Variants in EARS2 observed in about 807,000 individuals in gnomAD.
EARS2 encodes nondiscriminating glutamyl-tRNA synthetase EARS2, mitochondrial.
Under a neutral mutation model 54.1 loss-of-function variants are expected in EARS2, and 50 were observed. The observed-to-expected ratio is 0.92, with a 90% CI of 0.74 to 1.17. The LOEUF is 1.17. Ranked by LOEUF, EARS2 falls within the 50% of genes most tolerant of loss-of-function variation. The probability of loss-of-function intolerance (pLI) is 0.00; values close to 1 mark genes in which losing one functional copy is unlikely to be tolerated. For synonymous variants in EARS2, 298 were observed against 281.0 expected (o/e 1.06, Z -0.61); for missense variants, 673 against 675.0 (o/e 1.00, Z 0.03).
rs1965211384 is a variant in EARS2, at chr16:23,525,446, TC to T, written c.1353-68del. 10 of 1,525,100 alleles carry T rather than the reference TC, an allele frequency of 6.6e-6. No homozygotes were observed. In the Admixed American group the frequency reaches 2.0e-4, roughly 30 times the overall value. 94.5% of individuals were successfully genotyped at this position (1,525,100 alleles called of 1,614,324 possible). A position where few individuals can be genotyped will look rare whatever the true frequency, so the allele number is the denominator to read the frequency against. ...TGGCAAGTGGGTGGGAGGAAGGGCTTCAGAAGGTTATTGATCAGCTACAGTA... is the reference window on the plus strand; with the variant it reads ...TGGCAAGTGGGTGGGAGGAAGGGCTTAGAAGGTTATTGATCAGCTACAGTA... On this transcript the variant is annotated intron_variant, in intron 7 of 8. Coordinates refer to ENST00000449606, the MANE Select transcript of EARS2 (RefSeq NM_001083614.2).
chr16:23,534,967 G>A lies in EARS2; in HGVS notation c.879C>T (p.Phe293=), dbSNP rs566438118. 6.2e-7 allele frequency: 1 copy of A among 1,611,576 alleles called. No homozygotes were observed. The highest frequency in any genetic ancestry group is 8.5e-7 in the Non-Finnish European group (1 of 1,178,420). The change falls in exon 4 of 9, where the codon TTC becomes TTT. Residue 293 remains phenylalanine, a synonymous_variant. Transcript: ENST00000449606. ...AGCCATCAGCAGCAAAGTGCTCCAG[G>A]AAAACGTCCCCTTGCCTCTTGGAGA... is the stretch of plus-strand genomic sequence containing the variant. ...SKLSKRQGDV[F]LEHFAADGFL...
chr16:23,538,866 C>A lies in EARS2; in HGVS notation c.486-3506G>T, dbSNP rs554556509. ...CAAGACCCTGTCTGGAAAAAAAAGT[C>A]CTAAGGGAAGCTAACTGTCAGCTTT... On this transcript the variant is annotated intron_variant, in intron 3 of 8. Transcript: ENST00000449606. Among the ~76,000 whole-genome samples the A allele has an allele frequency of 2.6e-5, 4 of 152,082 alleles. No homozygotes were observed. The East Asian group carries it at 7.7e-4, about 29-fold the overall frequency.
At chr16:23,545,627 T>C (rs1420741878) in intron 2 of EARS2, among the ~76,000 whole-genome samples, 1 of 152,154 alleles carries the variant, frequency 6.6e-6, no homozygotes, top group Non-Finnish European at 1.5e-5. Flanking sequence ...CCGGAGCCGA[T>C]ATTCTTAACC....
At chr16:23,529,973 G>T in intron 5 of EARS2, 76 bp from the exon 6 acceptor site, 1 of 1,560,298 alleles carries the variant, frequency 6.4e-7, no homozygotes, top group Non-Finnish European at 8.7e-7. Context: ...CAGGGAAAGG[G>T]TGAAGTTGGA....
At chr16:23,544,456 CA>C (rs1889741589) in intron 3 of EARS2, 57 bp downstream of exon 3, 1 of 1,530,050 alleles carries the variant, frequency 6.5e-7, no homozygotes, top group African/African-American at 1.4e-5. Context: ...TTACGCAGCA[CA>C]AGGTAACAAA....
chr16:23,543,981 CATT>C (rs980475084), intron 3 of EARS2, among the ~76,000 whole-genome samples: 3 of 152,124 alleles, frequency 2.0e-5, no homozygotes, highest in Non-Finnish European at 2.9e-5. Flanking sequence ...CAAGATATCT[CATT>C]ATATATATGC....
rs1295927953 is a variant in EARS2, at chr16:23,522,913, T to A, written c.*1458A>T. 6.6e-6 allele frequency: 1 copy of A among 152,198 alleles called. No individual in the cohort carries two copies. The highest frequency in any genetic ancestry group is 2.4e-5 in the African/African-American group (1 of 41,452). The allele number at this position is 152,198 out of a possible 1,614,324, so 9.4% of individuals were successfully genotyped here. Reference sequence around the variant, plus strand: ...TCAAGATTGCACACTCCCATGGCTATTGGTGGGAGGCCTCGATCCCTTGTC... The same window carrying A: ...TCAAGATTGCACACTCCCATGGCTAATGGTGGGAGGCCTCGATCCCTTGTC... On this transcript the variant is annotated 3_prime_UTR_variant, in exon 9 of 9. Transcript: ENST00000449606.
chr16:23,552,415 C>T, intron 1 of EARS2, 111 bp from the exon 2 acceptor site: 1 of 1,255,182 alleles, frequency 8.0e-7, no homozygotes. Context: ...AAAAGACCAG[C>T]AGGACACATT....
rs565100793 is a variant in EARS2, at chr16:23,522,103, A to G, written c.*2268T>C. 2 of 278,038 alleles carry G rather than the reference A, an allele frequency of 7.2e-6. No homozygotes were observed. The highest frequency in any genetic ancestry group is 4.3e-5 in the African/African-American group (2 of 46,102). The allele number at this position is 278,038 out of a possible 1,614,324, so 17.2% of individuals were successfully genotyped here. A position where few individuals can be genotyped will look rare whatever the true frequency, so the allele number is the denominator to read the frequency against. Reference sequence around the variant, plus strand: ...CCTGGGAGAGGGTGAGGCTCATATAAGCGCACAATAAATTACAAGTATTAT... The same window carrying G: ...CCTGGGAGAGGGTGAGGCTCATATAGGCGCACAATAAATTACAAGTATTAT... On this transcript the variant is annotated 3_prime_UTR_variant, in exon 9 of 9. Coordinates refer to ENST00000449606, the MANE Select transcript of EARS2 (RefSeq NM_001083614.2).
Position 23,524,422 on chromosome 16 carries a change from G to A in EARS2, c.1521C>T (p.Ala507=). 1.9e-6 allele frequency: 3 copies of A among 1,614,132 alleles called. No homozygotes were observed. Among genetic ancestry groups the A allele is most frequent in the Non-Finnish European group, 2.5e-6 (3 of 1,180,014 alleles). Residue 507 remains alanine (A), a synonymous_variant, in exon 9 of 9, where the codon GCC becomes GCT. Coordinates refer to ENST00000449606, the MANE Select transcript of EARS2 (RefSeq NM_001083614.2). ...QGPPVAEMML[A]LGPKEVRERI... ...GTTCCCGTACTTCCTTTGGTCCCAA[G>A]GCCAACATCATCTCAGCTACAGGAG...
Position 23,525,365 on chromosome 16 carries a change from G to A in EARS2, c.1367C>T (p.Ser456Phe). ...CATATCCTGAGTTAAGCTCATACTA[G>A]ATCTTTCTAGAAGCCTAGAAGAAGA... ...AKRVLGLLERSSMSLTQDMLN... is the reference protein window; with the variant it reads ...AKRVLGLLERFSMSLTQDMLN... Residue 456 changes from serine to phenylalanine, a missense_variant, in exon 8 of 9, where the codon TCT becomes TTT. Around this residue, in one of 3 missense-constraint regions of EARS2, gnomAD observed 338 missense variants for 361.2 expected, o/e 0.94. Transcript: ENST00000449606. 6.2e-7 allele frequency: 1 copy of A among 1,613,158 alleles called. No individual in the cohort carries two copies. The highest frequency in any genetic ancestry group is 8.5e-7 in the Non-Finnish European group (1 of 1,179,658).
At position 23,521,083 on chromosome 16, in the gene EARS2, G is replaced by A. The variant is rs1280602083; in HGVS notation, c.*3288C>T. Reference sequence around the variant, plus strand: ...TTGGGATTCTAGGTGTGAGCCACCAGGCCCAGCTCTAATTTAGTATTTTTT... The same window carrying A: ...TTGGGATTCTAGGTGTGAGCCACCAAGCCCAGCTCTAATTTAGTATTTTTT... On this transcript the variant is annotated 3_prime_UTR_variant, in exon 9 of 9. Transcript: ENST00000449606. Among the ~76,000 whole-genome samples, 12 of 152,112 alleles carry A rather than the reference G, an allele frequency of 7.9e-5. No homozygotes were observed. The highest frequency in any genetic ancestry group is 7.9e-4 in the Admixed American group (12 of 15,260).
chr16:23,535,078 C>T lies in EARS2; in HGVS notation c.768G>A (p.Lys256=). 1 of 1,603,316 alleles carries T rather than the reference C, an allele frequency of 6.2e-7. No individual in the cohort carries two copies. Among genetic ancestry groups the T allele is most frequent in the Non-Finnish European group, 8.5e-7 (1 of 1,175,854 alleles). Residue 256 remains lysine (K), a synonymous_variant, in exon 4 of 9, where the codon AAG becomes AAA. Transcript: ENST00000449606. ...RGSEWLVSTA[K]HLLLYQALGW... The stretch of plus-strand genomic sequence containing the variant: ...CCAGGGCCTGGTAGAGGAGCAGGTG[C>T]TTGGCAGTGGAGACGAGCCACTCAG...
intron 2 of EARS2, chr16:23,546,577 A>G (rs1276878725): frequency 2.6e-6 from 1 of 383,784 alleles, no homozygotes; most frequent in Non-Finnish European, 5.2e-6. Context: ...TTTATTTGAG[A>G]CAGGGTCTCA....
At chr16:23,538,428 C>T (rs929133408) in intron 3 of EARS2, among the ~76,000 whole-genome samples, 4 of 152,180 alleles carry the variant, frequency 2.6e-5, no homozygotes, top group African/African-American at 7.2e-5. Context: ...CGTGAGCCAC[C>T]GTGCCTGGCT....
chr16:23,556,102 T>A (rs1209272935), intron 1 of EARS2, among the ~76,000 whole-genome samples: 1 of 152,240 alleles, frequency 6.6e-6, no homozygotes, highest in Non-Finnish European at 1.5e-5. Flanking sequence ...CTATACTGCC[T>A]GCCAGAAAGA....
In EARS2 at chr16:23,522,628, T is replaced by C. The variant is rs1965157448; in HGVS notation, c.*1743A>G. On this transcript the variant is annotated 3_prime_UTR_variant, in exon 9 of 9. Coordinates refer to ENST00000449606, the MANE Select transcript of EARS2 (RefSeq NM_001083614.2). The stretch of plus-strand genomic sequence containing the variant: ...TCTTTAAGCAAAGACTAGGACTCTA[T>C]GGGGCTCAACAAACTCTGTAATCGC... 1 of 152,216 alleles carries C rather than the reference T, an allele frequency of 6.6e-6. No individual in the cohort carries two copies. Among genetic ancestry groups the C allele is most frequent in the Admixed American group, 6.6e-5 (1 of 15,256 alleles). 9.4% of individuals were successfully genotyped at this position (152,216 alleles called of 1,614,324 possible).
chr16:23,527,812 C>T (rs1965256346), intron 7 of EARS2, among the ~76,000 whole-genome samples: 1 of 152,136 alleles, frequency 6.6e-6, no homozygotes, highest in Non-Finnish European at 1.5e-5. Flanking sequence ...CTGGGCCTCA[C>T]AAAGTGCTGG....
At position 23,535,183 on chromosome 16, in the gene EARS2, CT is replaced by C. The variant is rs1304537063; in HGVS notation, c.662del (p.Lys221ArgfsTer110). ...GGTGGTATGTGGGGAAGCCGTCGCT[CT>C]TCATGATGACTGGGTCTCCCTCCAC... ...ASVEGDPVIMKSDGFPTYHLA... is the reference protein window; with the variant it reads ...ASVEGDPVIMXSDGFPTYHLA... On this transcript the variant is annotated frameshift_variant, in exon 4 of 9. Coordinates refer to ENST00000449606, the MANE Select transcript of EARS2 (RefSeq NM_001083614.2). LOFTEE classifies it high-confidence loss of function. 6.2e-7 allele frequency: 1 copy of C among 1,613,848 alleles called. No homozygotes were observed. Among genetic ancestry groups the C allele is most frequent in the Non-Finnish European group, 8.5e-7 (1 of 1,180,016 alleles).
Sources: gnomAD v4.1 joint callset for allele counts (sites outside exome capture counted in the v4.1 genomes callset) on GRCh38, gnomAD v4.1.1 for gene constraint, gnomAD v4.1.1 regional missense constraint, MANE v1.5 for transcripts, NCBI Gene and HGNC (gene_info 2026-07-23, HGNC 2026-07-21) for gene names.